CDK14: variants seen among roughly 807,000 people sequenced by gnomAD.
CDK14 encodes cyclin dependent kinase 14.
CDK14 carries 34 observed loss-of-function variants against 60.7 expected under a neutral mutation model. The observed-to-expected ratio is 0.56, with a 90% confidence interval of 0.43 to 0.75. CDK14 has a LOEUF of 0.75. CDK14 is among the 30% of genes least tolerant of loss of function. The pLI, the probability that CDK14 is intolerant of heterozygous loss-of-function variation, is 0.00. For synonymous variants in CDK14, 197 were observed against 203.7 expected (o/e 0.97, Z 0.28); for missense variants, 482 against 564.1 (o/e 0.85, Z 1.47).
chr7:91,064,714 C>G (rs1373484930), intron 11 of CDK14, among the ~76,000 whole-genome samples: 2 of 152,138 alleles, frequency 1.3e-5, no homozygotes, highest in African/African-American at 4.8e-5. Context: ...TTGCTTGGGT[C>G]CCATCTAGCA....
chr7:90,812,165 C>A (rs1789148530), intron 5 of CDK14, among the ~76,000 whole-genome samples: 1 of 152,158 alleles, frequency 6.6e-6, no homozygotes, highest in African/African-American at 2.4e-5. Context: ...GACACATGCC[C>A]ATGTATGTTT....
At chr7:90,844,723 G>A (rs1456453532) in intron 5 of CDK14, among the ~76,000 whole-genome samples, 4 of 152,144 alleles carry the variant, frequency 2.6e-5, no homozygotes, top group East Asian at 1.9e-4. Context: ...TTTTTAAATC[G>A]TATTGGAAAG....
chr7:91,092,011 G>A (rs1391987038), intron 12 of CDK14, among the ~76,000 whole-genome samples: 1 of 152,012 alleles, frequency 6.6e-6, no homozygotes, highest in East Asian at 1.9e-4. Context: ...GACCCCAGAT[G>A]ATACTCAATG....
At chr7:90,836,614 A>G (rs1790108693) in intron 5 of CDK14, among the ~76,000 whole-genome samples, 1 of 152,340 alleles carries the variant, frequency 6.6e-6, no homozygotes, top group African/African-American at 2.4e-5. Context: ...AAAAGGAGTA[A>G]AGGCATACAC....
At chr7:90,791,598 A>G in intron 5 of CDK14, among the ~76,000 whole-genome samples, 1 of 152,170 alleles carries the variant, frequency 6.6e-6, no homozygotes, top group East Asian at 1.9e-4. Flanking sequence ...TATGATTTAC[A>G]TGTATCATTT....
rs558488369 is a variant in CDK14, at chr7:90,781,383, G to A, written c.465-9190G>A. Among the ~76,000 whole-genome samples the A allele has an allele frequency of 7.4e-3, 1,130 of 151,942 alleles. 10 individuals carry two copies. Among genetic ancestry groups the A allele is most frequent in the Non-Finnish European group, 9.0e-3 (610 of 67,972 alleles). ...TTATGGGTTGCCTGTTCACTCTGAT[G>A]GTAGTTTCTTTTGCTGTGCAGAAGC... On this transcript the variant is annotated intron_variant, in intron 4 of 14. Transcript: ENST00000380050.
intron 7 of CDK14, among the ~76,000 whole-genome samples, chr7:90,910,248 G>A (rs1478859830): frequency 6.6e-6 from 1 of 152,082 alleles, no homozygotes; most frequent in Non-Finnish European, 1.5e-5. Context: ...AAAATAAAAC[G>A]ATTTGGGTGT....
intron 7 of CDK14, among the ~76,000 whole-genome samples, chr7:90,902,028 T>C (rs976873088): frequency 2.0e-5 from 3 of 152,092 alleles, no homozygotes; most frequent in Non-Finnish European, 4.4e-5. Context: ...AAAAATTATG[T>C]AGGAATCAGT....
At chr7:90,910,139 T>C (rs887813898) in intron 7 of CDK14, among the ~76,000 whole-genome samples, 4 of 152,228 alleles carry the variant, frequency 2.6e-5, no homozygotes, top group African/African-American at 9.6e-5. Context: ...TACTGTAATG[T>C]TGAATAGCTA....
chr7:90,647,715 G>T (rs1488950835), intron 2 of CDK14, among the ~76,000 whole-genome samples: 1 of 152,132 alleles, frequency 6.6e-6, no homozygotes, highest in Non-Finnish European at 1.5e-5. Flanking sequence ...ATTAAGCCAG[G>T]TGCAGTAGCT....
chr7:90,689,073 T>C (rs1801502186), intron 2 of CDK14, among the ~76,000 whole-genome samples: 2 of 152,144 alleles, frequency 1.3e-5, no homozygotes, highest in Non-Finnish European at 2.9e-5. Flanking sequence ...GTCAGTACCC[T>C]TAGTTTTCAG....
intron 2 of CDK14, among the ~76,000 whole-genome samples, chr7:90,694,740 A>T (rs1469600596): frequency 6.6e-6 from 1 of 152,246 alleles, no homozygotes; most frequent in African/African-American, 2.4e-5. Context: ...GTGTTCTTAA[A>T]CTGAAGAGTT....
intron 10 of CDK14, among the ~76,000 whole-genome samples, chr7:91,041,243 A>G (rs79720668): frequency 0.06 from 9,095 of 151,120 alleles, 396 homozygotes; most frequent in Middle Eastern, 0.16. Context: ...TGGCAACTGT[A>G]TATTTCTGAA....
At chr7:91,119,333 T>C (rs1799713189) in intron 14 of CDK14, among the ~76,000 whole-genome samples, 1 of 151,996 alleles carries the variant, frequency 6.6e-6, no homozygotes, top group Non-Finnish European at 1.5e-5. Flanking sequence ...ATACAAAAAT[T>C]ACCTGGGCGT....
intron 5 of CDK14, among the ~76,000 whole-genome samples, chr7:90,835,654 C>T (rs1292141448): frequency 6.6e-6 from 1 of 152,182 alleles, no homozygotes; most frequent in Non-Finnish European, 1.5e-5. Flanking sequence ...CTGCTCCTCT[C>T]TCACTTCCTT....
In CDK14 at chr7:90,807,076, C is replaced by T. The variant is rs555685540; in HGVS notation, c.544+16424C>T. Among the ~76,000 whole-genome samples, 6 of 152,352 alleles carry T rather than the reference C, an allele frequency of 3.9e-5. No individual in the cohort carries two copies. In the East Asian group the frequency reaches 5.8e-4, roughly 15 times the overall value. On this transcript the variant is annotated intron_variant, in intron 5 of 14. Coordinates refer to ENST00000380050, the MANE Select transcript of CDK14 (RefSeq NM_001287135.2). Reference sequence around the variant, plus strand: ...GCCAAACAAAAGGCAGCAGAAACCTCTGCAGACTTAAATGTCCCTGTCTGA... The same window carrying T: ...GCCAAACAAAAGGCAGCAGAAACCTTTGCAGACTTAAATGTCCCTGTCTGA...
intron 7 of CDK14, among the ~76,000 whole-genome samples, chr7:90,912,654 C>A (rs1414818027): frequency 6.6e-6 from 1 of 152,172 alleles, no homozygotes; most frequent in Non-Finnish European, 1.5e-5. Context: ...GTCGCTCAGG[C>A]TGGAATGCAG....
At chr7:91,091,124 G>A (rs1562900295) in intron 12 of CDK14, among the ~76,000 whole-genome samples, 1 of 151,326 alleles carries the variant, frequency 6.6e-6, no homozygotes, top group Non-Finnish European at 1.5e-5. Context: ...CGCCAGGTGT[G>A]GTGGCTTAAG....
At chr7:90,699,208 G>C (rs1426419473) in intron 2 of CDK14, among the ~76,000 whole-genome samples, 2 of 152,216 alleles carry the variant, frequency 1.3e-5, no homozygotes, top group African/African-American at 4.8e-5. Context: ...GCCCATGGCT[G>C]ATACAGAAGA....
Sources: gnomAD v4.1 joint callset for allele counts (sites outside exome capture counted in the v4.1 genomes callset) on GRCh38, gnomAD v4.1.1 for gene constraint, MANE v1.5 for transcripts, NCBI Gene and HGNC (gene_info 2026-07-23, HGNC 2026-07-21) for gene names.